METTL25: variants seen among roughly 807,000 people sequenced by gnomAD.
METTL25 encodes probable methyltransferase-like protein 25.
A neutral mutation model predicts 71.6 loss-of-function variants in METTL25; 64 were observed. That is an observed-to-expected ratio of 0.89 (90% CI 0.73 to 1.10). The LOEUF (loss-of-function observed/expected upper bound fraction) is 1.10. METTL25 is among the 50% of genes least tolerant of loss of function. METTL25 has a pLI of 0.00. For missense variants in METTL25, 807 were observed against 707.0 expected, an observed-to-expected ratio of 1.14 and a Z score of -1.60; for synonymous variants, 287 against 250.3, an observed-to-expected ratio of 1.15 and a Z score of -1.38.
chr12:82,417,831 A>C (rs1055372672), intron 5 of METTL25, among the ~76,000 whole-genome samples: 2 of 152,058 alleles, frequency 1.3e-5, no homozygotes, highest in Non-Finnish European at 2.9e-5. Flanking sequence ...TAGCCAGGAG[A>C]AGCTTTGTTG....
chr12:82,448,387 A>G (rs1311801184), intron 8 of METTL25, among the ~76,000 whole-genome samples: 1 of 151,990 alleles, frequency 6.6e-6, no homozygotes, highest in Admixed American at 6.6e-5. Flanking sequence ...AAACTCAATA[A>G]TTTATGGAAA....
In METTL25 at chr12:82,478,077, T is replaced by G. The variant is rs540196898; in HGVS notation, c.1719+725T>G. 6.6e-5 allele frequency among the ~76,000 whole-genome samples: 10 copies of G among 151,976 alleles called. No individual in the cohort carries two copies. In the South Asian group the frequency reaches 1.9e-3, roughly 28 times the overall value. On this transcript the variant is annotated intron_variant, in intron 11 of 11. Coordinates refer to ENST00000248306, the MANE Select transcript of METTL25 (RefSeq NM_032230.3). ...ATGTTTGCTTTGTTCTAATTTGTAT[T>G]TTTATGGAGAAAGGCAATTTTTAAA...
rs575898388 is a variant in METTL25, at chr12:82,407,899, C to G, written c.1279+4769C>G. On this transcript the variant is annotated intron_variant, in intron 5 of 11. Coordinates refer to ENST00000248306, the MANE Select transcript of METTL25 (RefSeq NM_032230.3). ...AACATACTCCCTTTTCTCTTTCCAACACTCCATCTCCATTTTTCTCACTGT... is the reference window on the plus strand; with the variant it reads ...AACATACTCCCTTTTCTCTTTCCAAGACTCCATCTCCATTTTTCTCACTGT... The G allele has an allele frequency of 4.1e-6, 4 of 984,658 alleles. No individual in the cohort carries two copies. The African/African-American group carries it at 7.0e-5, about 17-fold the overall frequency. 61.0% of individuals were successfully genotyped at this position (984,658 alleles called of 1,614,324 possible). A position where few individuals can be genotyped will look rare whatever the true frequency, so the allele number is the denominator to read the frequency against.
intron 1 of METTL25, among the ~76,000 whole-genome samples, chr12:82,382,320 CCAACCCTGTAA>C (rs754510178): frequency 1.2e-4 from 18 of 152,240 alleles, no homozygotes; most frequent in Admixed American, 3.3e-4. Flanking sequence ...TGACCTTTTC[CCAACCCTGTAA>C]CAACAAAATC....
intron 5 of METTL25, among the ~76,000 whole-genome samples, chr12:82,407,413 T>C (rs1490568582): frequency 2.6e-5 from 4 of 152,164 alleles, no homozygotes; most frequent in Non-Finnish European, 5.9e-5. Context: ...GTGAGAACTG[T>C]GACCAGCAGC....
At chr12:82,467,141 A>T (rs1892286221) in intron 9 of METTL25, among the ~76,000 whole-genome samples, 1 of 151,822 alleles carries the variant, frequency 6.6e-6, no homozygotes. Flanking sequence ...AAAAAAAAAA[A>T]TCCATTCTGC....
In METTL25 at chr12:82,423,008, A is replaced by G. The variant is rs548418253; in HGVS notation, c.1280-7885A>G. Among the ~76,000 whole-genome samples, 5 of 152,306 alleles carry G rather than the reference A, an allele frequency of 3.3e-5. No homozygotes were observed. The South Asian group carries it at 8.3e-4, about 25-fold the overall frequency. On this transcript the variant is annotated intron_variant, in intron 5 of 11. Transcript: ENST00000248306. Reference sequence around the variant, plus strand: ...AGAGATTCATTGCCATCCCCATCAAACTACCAATGACTTTCTCCACGGAAT... The same window carrying G: ...AGAGATTCATTGCCATCCCCATCAAGCTACCAATGACTTTCTCCACGGAAT...
intron 1 of METTL25, among the ~76,000 whole-genome samples, chr12:82,377,029 C>G (rs1168719358): frequency 6.6e-6 from 1 of 151,984 alleles, no homozygotes; most frequent in Non-Finnish European, 1.5e-5. Context: ...AGGAGACTCT[C>G]TTGAACCCAG....
intron 8 of METTL25, among the ~76,000 whole-genome samples, chr12:82,445,902 A>G (rs993180063): frequency 6.6e-6 from 1 of 152,214 alleles, no homozygotes; most frequent in African/African-American, 2.4e-5. Flanking sequence ...TTAATTCACT[A>G]TGATATCGGT....
At chr12:82,432,282 T>C (rs1440919612) in intron 6 of METTL25, among the ~76,000 whole-genome samples, 1 of 151,682 alleles carries the variant, frequency 6.6e-6, no homozygotes. Flanking sequence ...AATAATTTCC[T>C]TTGGTAGCCC....
chr12:82,450,728 G>A (rs1417286101), intron 8 of METTL25, among the ~76,000 whole-genome samples: 2 of 152,114 alleles, frequency 1.3e-5, no homozygotes, highest in East Asian at 1.9e-4. Flanking sequence ...TGCCAGATAC[G>A]CTAATTTCCT....
chr12:82,362,276 A>G (rs570367022), intron 1 of METTL25, among the ~76,000 whole-genome samples: 16 of 152,228 alleles, frequency 1.1e-4, no homozygotes, highest in Non-Finnish European at 2.9e-5. Context: ...TTTTCAGTGC[A>G]TAAATTATGG....
chr12:82,408,032 G>A, intron 5 of METTL25: 1 of 808,282 alleles, frequency 1.2e-6, no homozygotes, highest in Middle Eastern at 6.3e-4. Context: ...CACTTTTAGT[G>A]TATAGATGCC....
intron 1 of METTL25, among the ~76,000 whole-genome samples, chr12:82,368,329 C>A (rs960398338): frequency 1.3e-5 from 2 of 152,110 alleles, no homozygotes; most frequent in East Asian, 3.9e-4. Flanking sequence ...TTTTTTTTAG[C>A]CAACATTTCA....
intron 5 of METTL25, among the ~76,000 whole-genome samples, chr12:82,419,712 G>C (rs1166955556): frequency 7.5e-6 from 1 of 134,226 alleles, no homozygotes; most frequent in African/African-American, 2.7e-5. Flanking sequence ...AAAGCCACAG[G>C]ACAACAAATC....
rs372344965 is a variant in METTL25 at position 82,373,015 on chromosome 12, G to A, written c.260-13788G>A. On this transcript the variant is annotated intron_variant, in intron 1 of 11. Transcript: ENST00000248306. ...AAGGTCGGATTTAGTGGCCCTTACCGACGCATTCTCGAAAACCTGCACCCT... is the reference window on the plus strand; with the variant it reads ...AAGGTCGGATTTAGTGGCCCTTACCAACGCATTCTCGAAAACCTGCACCCT... 8.9e-4 allele frequency among the ~76,000 whole-genome samples: 136 copies of A among 152,234 alleles called. 2 individuals are homozygous for A. The highest frequency in any genetic ancestry group is 3.0e-3 in the African/African-American group (126 of 41,524).
Position 82,358,774 on chromosome 12 carries a change from A to T in METTL25, c.209A>T (p.Glu70Val), listed in dbSNP as rs1293398406. The T allele has an allele frequency of 6.2e-7, 1 of 1,613,354 alleles. No individual in the cohort carries two copies. Among genetic ancestry groups the T allele is most frequent in the Non-Finnish European group, 8.5e-7 (1 of 1,179,838 alleles). ...CTGAGGAAGTCAGCGTCGGAGACGGAGGCCCTGCCCTCAGAGACGCGCCCC... is the reference window on the plus strand; with the variant it reads ...CTGAGGAAGTCAGCGTCGGAGACGGTGGCCCTGCCCTCAGAGACGCGCCCC... ...AALRKSASET[E>V]ALPSETRPLV... is the part of the protein sequence containing the mutation. Residue 70 changes from glutamate (E) to valine (V), a missense_variant, in exon 1 of 12, where the codon GAG becomes GTG. Coordinates refer to ENST00000248306, the MANE Select transcript of METTL25 (RefSeq NM_032230.3).
At chr12:82,463,435 A>G (rs1260064268) in intron 9 of METTL25, among the ~76,000 whole-genome samples, 4 of 152,054 alleles carry the variant, frequency 2.6e-5, no homozygotes, top group African/African-American at 4.8e-5. Flanking sequence ...TGGCCAAATC[A>G]TATTTCATTG....
intron 3 of METTL25, among the ~76,000 whole-genome samples, chr12:82,390,255 G>C (rs1885447402): frequency 6.6e-6 from 1 of 151,986 alleles, no homozygotes. Flanking sequence ...ATGACATTCT[G>C]CAAAACTGTT....
Sources: allele counts gnomAD v4.1 joint callset (sites outside exome capture counted in the v4.1 genomes callset), GRCh38; gene constraint gnomAD v4.1.1; transcripts MANE v1.5; gene names NCBI Gene and HGNC (gene_info 2026-07-23, HGNC 2026-07-21).